FRS2: variants seen among roughly 807,000 people sequenced by gnomAD.
The protein encoded by FRS2 is FGFR signalling adaptor.
FRS2 carries 8 observed loss-of-function variants against 43.9 expected under a neutral mutation model. The ratio of observed to expected loss-of-function variants is 0.18; its 90% confidence interval spans 0.11 to 0.33. The LOEUF is 0.33. Among genes scored for constraint, FRS2 ranks in the 10% least tolerant of loss-of-function variants. The pLI is 1.00. For missense variants in FRS2, 534 were observed against 627.6 expected (o/e 0.85, Z 1.59); for synonymous variants, 219 against 220.3 (o/e 0.99, Z 0.05).
intron 1 of FRS2, among the ~76,000 whole-genome samples, chr12:69,529,460 C>G (rs987094737): frequency 4.0e-5 from 6 of 151,888 alleles, no homozygotes; most frequent in African/African-American, 1.5e-4. Context: ...CTCGTCTCTA[C>G]TAAAAATACA....
In FRS2 at chr12:69,574,573, A is replaced by G. The variant is rs762956505; in HGVS notation, c.1145A>G (p.Tyr382Cys). The G allele has an allele frequency of 2.5e-6, 4 of 1,614,094 alleles. No individual in the cohort carries two copies. Among genetic ancestry groups the G allele is most frequent in the Non-Finnish European group, 3.4e-6 (4 of 1,179,948 alleles). Residue 382 changes from tyrosine (Y) to cysteine (C), a missense_variant, in exon 9 of 9, where the codon TAC (tyrosine) becomes TGC (cysteine). By Grantham distance (194) the Tyr-to-Cys change is radical (BLOSUM62 -2). Coordinates refer to ENST00000549921, the MANE Select transcript of FRS2 (RefSeq NM_001278356.2). Reference protein sequence around the residue: ...LGPKTPSLNGYHNNLDPMHNY... With the variant: ...LGPKTPSLNGCHNNLDPMHNY... ...CCAAAGACCCCATCTCTAAATGGCTACCATAATAATCTAGATCCAATGCAT... is the reference window on the plus strand; with the variant it reads ...CCAAAGACCCCATCTCTAAATGGCTGCCATAATAATCTAGATCCAATGCAT...
chr12:69,501,382 C>T (rs747431787), intron 1 of FRS2, among the ~76,000 whole-genome samples: 7 of 152,078 alleles, frequency 4.6e-5, no homozygotes, highest in Admixed American at 2.6e-4. Flanking sequence ...TCGTGACTCC[C>T]GACCAACCAG....
intron 3 of FRS2, among the ~76,000 whole-genome samples, chr12:69,549,587 G>A (rs902718977): frequency 1.3e-5 from 2 of 152,158 alleles, no homozygotes; most frequent in African/African-American, 4.8e-5. Context: ...CATTTAAAGG[G>A]AACTCAGTTC....
intron 3 of FRS2, among the ~76,000 whole-genome samples, chr12:69,556,793 G>A (rs1343177039): frequency 6.6e-6 from 1 of 152,162 alleles, no homozygotes; most frequent in Non-Finnish European, 1.5e-5. Flanking sequence ...CTTGAAATTA[G>A]AGTGACTTGG....
chr12:69,517,891 C>T lies in FRS2; in HGVS notation c.-260-12974C>T, dbSNP rs76270497. ...TATAAAATGATTTCACAGGCATTTT[C>T]CCCCCACTCTAAAAATATGTTGTAA... On this transcript the variant is annotated intron_variant, in intron 1 of 8. Transcript: ENST00000549921. Among the ~76,000 whole-genome samples, 1,520 of 152,160 alleles carry T rather than the reference C, an allele frequency of 1.0e-2. 27 individuals carry two copies. Among genetic ancestry groups the T allele is most frequent in the African/African-American group, 0.034 (1,416 of 41,504 alleles).
chr12:69,516,328 C>G (rs1291223142), intron 1 of FRS2, among the ~76,000 whole-genome samples: 9 of 151,944 alleles, frequency 5.9e-5, no homozygotes, highest in Admixed American at 5.9e-4. Flanking sequence ...AAGCCATTCT[C>G]CCGCCTCAGC....
intron 3 of FRS2, among the ~76,000 whole-genome samples, chr12:69,553,999 T>G (rs1290387065): frequency 6.6e-6 from 1 of 152,210 alleles, no homozygotes; most frequent in Non-Finnish European, 1.5e-5. Context: ...CACTTTAACC[T>G]GAGAGTAGAT....
chr12:69,542,207 G>A (rs950583111), intron 3 of FRS2, among the ~76,000 whole-genome samples: 2 of 152,120 alleles, frequency 1.3e-5, no homozygotes, highest in Non-Finnish European at 2.9e-5. Context: ...TAATTAAAAA[G>A]TGAAAATGTG....
intron 5 of FRS2, 137 bp from the exon 6 acceptor site, chr12:69,570,194 C>A (rs531783697): frequency 1.1e-5 from 7 of 652,350 alleles, no homozygotes; most frequent in Middle Eastern, 4.0e-4. Context: ...CTGGGTGTTA[C>A]ACGGCTACGT....
intron 1 of FRS2, among the ~76,000 whole-genome samples, chr12:69,485,351 T>G (rs1382020313): frequency 6.7e-6 from 1 of 150,264 alleles, no homozygotes; most frequent in Non-Finnish European, 1.5e-5. Context: ...CCTGGCTAAT[T>G]TTTTGTATTT....
At chr12:69,551,613 A>G (rs750224069) in intron 3 of FRS2, among the ~76,000 whole-genome samples, 30 of 152,316 alleles carry the variant, frequency 2.0e-4, no homozygotes, top group Non-Finnish European at 2.4e-4. Context: ...TTCTAGTAAA[A>G]TTTTGATTGA....
intron 3 of FRS2, among the ~76,000 whole-genome samples, chr12:69,551,193 A>G (rs1878839695): frequency 6.6e-6 from 1 of 152,190 alleles, no homozygotes; most frequent in Non-Finnish European, 1.5e-5. Context: ...TCTACAAAAC[A>G]TTTAAAAAAT....
intron 3 of FRS2, among the ~76,000 whole-genome samples, chr12:69,552,978 ATGAG>A (rs1413069962): frequency 1.3e-5 from 2 of 152,222 alleles, no homozygotes; most frequent in Non-Finnish European, 2.9e-5. Context: ...TGTGCTGAGA[ATGAG>A]TGACCCATAA....
At chr12:69,488,395 G>A (rs1290231176) in intron 1 of FRS2, among the ~76,000 whole-genome samples, 1 of 152,180 alleles carries the variant, frequency 6.6e-6, no homozygotes, top group African/African-American at 2.4e-5. Flanking sequence ...CTGATCAGAT[G>A]ATCATTAGCA....
chr12:69,523,006 T>C (rs1875841898), intron 1 of FRS2, among the ~76,000 whole-genome samples: 1 of 152,220 alleles, frequency 6.6e-6, no homozygotes, highest in Admixed American at 6.5e-5. Flanking sequence ...TTCAATTGTG[T>C]AGTTGATTTT....
At chr12:69,476,743 G>T (rs1218833294) in intron 1 of FRS2, among the ~76,000 whole-genome samples, 2 of 143,016 alleles carry the variant, frequency 1.4e-5, no homozygotes, top group Admixed American at 7.0e-5. Flanking sequence ...AGGCGGCTGT[G>T]GGGGAGGGAC....
intron 1 of FRS2, among the ~76,000 whole-genome samples, chr12:69,521,699 C>G (rs935412301): frequency 2.0e-5 from 3 of 152,120 alleles, no homozygotes; most frequent in African/African-American, 7.2e-5. Flanking sequence ...ACTGCAAGCT[C>G]TGCCTCCCGG....
At position 69,487,999 on chromosome 12, in the gene FRS2, A is replaced by G. The variant is rs149488197; in HGVS notation, c.-261+17469A>G. On this transcript the variant is annotated intron_variant, in intron 1 of 8. Coordinates refer to ENST00000549921, the MANE Select transcript of FRS2 (RefSeq NM_001278356.2). ...GCTGCAATCTCATGGTCAAACTTTA[A>G]CGGATGAGGAATTGCTTCTTAGGAA... 4.4e-4 allele frequency among the ~76,000 whole-genome samples: 67 copies of G among 152,338 alleles called. No homozygotes were observed. The East Asian group carries it at 9.2e-3, about 21-fold the overall frequency.
chr12:69,521,396 T>C (rs955529493), intron 1 of FRS2, among the ~76,000 whole-genome samples: 2 of 152,180 alleles, frequency 1.3e-5, no homozygotes, highest in Non-Finnish European at 2.9e-5. Flanking sequence ...CCTTTATTTC[T>C]TTCTCTTGCC....
Sources: allele counts gnomAD v4.1 joint callset (sites outside exome capture counted in the v4.1 genomes callset), GRCh38; gene constraint gnomAD v4.1.1; transcripts MANE v1.5; gene names NCBI Gene and HGNC (gene_info 2026-07-23, HGNC 2026-07-21).